The following THBS1 variants were observed in gnomAD, a reference collection of about 807,000 sequenced individuals.
THBS1 encodes the protein thrombospondin-1.
A neutral mutation model predicts 126.1 loss-of-function variants in THBS1; 29 were observed. The observed-to-expected ratio is 0.23, with a 90% CI of 0.17 to 0.31. THBS1 has a LOEUF of 0.31. Among genes scored for constraint, THBS1 ranks in the 10% least tolerant of loss-of-function variants. THBS1 has a pLI of 1.00. For synonymous variants in THBS1, 496 were observed against 577.8 expected (o/e 0.86, Z 2.03); for missense variants, 1,198 against 1,545.2 (o/e 0.78, Z 3.77).
rs377601803 is a variant in THBS1 at position 39,599,114 on chromosome 15, G to A, written c.*3745G>A. 3 of 152,100 alleles carry A rather than the reference G, an allele frequency of 2.0e-5. No individual in the cohort carries two copies. Among genetic ancestry groups the A allele is most frequent in the South Asian group, 2.1e-4 (1 of 4,814 alleles). The allele number at this position is 152,100 out of a possible 1,614,324, so 9.4% of individuals were successfully genotyped here. ...CTAATTCTGTATTTTTAGTAAAGAC[G>A]GGGTTTCACCTTGTTCCGGACAAAC... is the stretch of plus-strand genomic sequence containing the variant. On this transcript the variant is annotated 3_prime_UTR_variant, in exon 22 of 22. Transcript: ENST00000260356.
chr15:39,586,079 G>A (rs750974237), intron 7 of THBS1, among the ~76,000 whole-genome samples: 4 of 152,154 alleles, frequency 2.6e-5, no homozygotes, highest in Non-Finnish European at 5.9e-5. Context: ...TCCATGGCAC[G>A]TTATCCCTGG....
At position 39,595,350 on chromosome 15, in the gene THBS1, T is replaced by C. The variant is rs1210013514; in HGVS notation, c.3506-12T>C. 1.4e-5 allele frequency: 20 copies of C among 1,439,580 alleles called. No individual in the cohort carries two copies. The highest frequency in any genetic ancestry group is 1.8e-5 in the Non-Finnish European group (19 of 1,083,458). 89.2% of individuals were successfully genotyped at this position (1,439,580 alleles called of 1,614,324 possible). ...TCATTTGTATATTTATTTATATTTGTTTATTTAACAGATCCCTAATCATCA... is the reference window on the plus strand; with the variant it reads ...TCATTTGTATATTTATTTATATTTGCTTATTTAACAGATCCCTAATCATCA... On this transcript the variant is annotated splice_polypyrimidine_tract_variant and intron_variant, in intron 21 of 21. Coordinates refer to ENST00000260356, the MANE Select transcript of THBS1 (RefSeq NM_003246.4).
chr15:39,587,615 G>A, intron 8 of THBS1, 95 bp downstream of exon 8: 1 of 1,304,966 alleles, frequency 7.7e-7, no homozygotes, highest in Non-Finnish European at 1.0e-6. Context: ...AAGAACACGG[G>A]TTCTAGGATC....
Position 39,590,747 on chromosome 15 carries a change from A to G in THBS1, c.2253+124A>G, listed in dbSNP as rs1890311221. The G allele has an allele frequency of 4.0e-6, 3 of 742,754 alleles. No individual in the cohort carries two copies. The African/African-American group carries it at 5.4e-5, about 13-fold the overall frequency. 46.0% of individuals were successfully genotyped at this position (742,754 alleles called of 1,614,324 possible). ...TACCAAATCAATACACAGGATAATT[A>G]GAAATTATTCATTGTGTTCCAGTAG... On this transcript the variant is annotated intron_variant, in intron 14 of 21. Coordinates refer to ENST00000260356, the MANE Select transcript of THBS1 (RefSeq NM_003246.4).
Position 39,598,156 on chromosome 15 carries a change from C to T in THBS1, c.*2787C>T, listed in dbSNP as rs1440646978. ...GCTAATTATGAATGTGGAATACTGA[C>T]CAGTTAATTTCCAGTTTTAATGAAA... On this transcript the variant is annotated 3_prime_UTR_variant, in exon 22 of 22. Coordinates refer to ENST00000260356, the MANE Select transcript of THBS1 (RefSeq NM_003246.4). 5.9e-5 allele frequency: 9 copies of T among 152,202 alleles called. No individual in the cohort carries two copies. Among genetic ancestry groups the T allele is most frequent in the Non-Finnish European group, 1.2e-4 (8 of 68,020 alleles). The allele number at this position is 152,202 out of a possible 1,614,324, so 9.4% of individuals were successfully genotyped here.
At position 39,597,468 on chromosome 15, in the gene THBS1, C is replaced by T. The variant is rs572545509; in HGVS notation, c.*2099C>T. On this transcript the variant is annotated 3_prime_UTR_variant, in exon 22 of 22. Transcript: ENST00000260356. ...AATCATATGGAAATTTATATTTATA[C>T]TTACTGTATCCATGCTTATTTGTTC... The T allele has an allele frequency of 1.8e-4, 27 of 151,954 alleles. No homozygotes were observed. The highest frequency in any genetic ancestry group is 5.9e-4 in the Admixed American group (9 of 15,268). 9.4% of individuals were successfully genotyped at this position (151,954 alleles called of 1,614,324 possible).
At chr15:39,590,254 A>G (rs1037734909) in intron 13 of THBS1, among the ~76,000 whole-genome samples, 3 of 152,202 alleles carry the variant, frequency 2.0e-5, no homozygotes, top group Non-Finnish European at 4.4e-5. Context: ...TCTGTCCAAA[A>G]AAAAGTTCAG....
In THBS1 at chr15:39,589,420, C is replaced by G. The variant is rs182916283; in HGVS notation, c.1926+66C>G. On this transcript the variant is annotated intron_variant, in intron 12 of 21. Transcript: ENST00000260356. This position sits in a 1 kb window ranked among gnomAD's most constrained non-coding sequence, Gnocchi z 4.7. Reference sequence around the variant, plus strand: ...TGTCCTTGACCAAAATAACTGGGAGCGGGAGGAATGTAATTTCATACCCTT... The same window carrying G: ...TGTCCTTGACCAAAATAACTGGGAGGGGGAGGAATGTAATTTCATACCCTT... 3 of 1,570,640 alleles carry G rather than the reference C, an allele frequency of 1.9e-6. No individual in the cohort carries two copies. The highest frequency in any genetic ancestry group is 2.6e-6 in the Non-Finnish European group (3 of 1,155,952).
intron 13 of THBS1, 126 bp downstream of exon 13, chr15:39,590,149 AGGGGCAC>A: frequency 3.3e-6 from 3 of 921,734 alleles, no homozygotes; most frequent in Non-Finnish European, 4.7e-6. Flanking sequence ...CCAAAGGGAG[AGGGGCAC>A]TAATTCCTAT....
Position 39,592,562 on chromosome 15 carries a change from T to G in THBS1, c.2533-6T>G. On this transcript the variant is annotated splice_polypyrimidine_tract_variant and splice_region_variant and intron_variant, in intron 16 of 21. Transcript: ENST00000260356. This position sits in a 1 kb window ranked among gnomAD's most constrained non-coding sequence, Gnocchi z 4.3. ...AATTTACCCTCCATTTACATCTCTC[T>G]TTCAGCTGGACTCTGACTCAGACCG... 1 of 1,608,480 alleles carries G rather than the reference T, an allele frequency of 6.2e-7. No individual in the cohort carries two copies. Among genetic ancestry groups the G allele is most frequent in the Non-Finnish European group, 8.5e-7 (1 of 1,176,808 alleles).
At chr15:39,581,268 C>T (rs1890097116) in intron 1 of THBS1, 40 bp downstream of exon 1, 3 of 152,992 alleles carry the variant, frequency 2.0e-5, no homozygotes, top group South Asian at 3.9e-4. Context: ...CAAAGCTGCC[C>T]GGGACATCCA....
chr15:39,591,056 G>C (rs1324655865), intron 14 of THBS1, 135 bp from the exon 15 acceptor site: 1 of 979,210 alleles, frequency 1.0e-6, no homozygotes, highest in Non-Finnish European at 1.5e-6. Context: ...TTTACACTGA[G>C]TGATCAATTA....
At position 39,588,498 on chromosome 15, in the gene THBS1, T is replaced by C. The variant is rs373957167; in HGVS notation, c.1472-28T>C. 13 of 1,527,682 alleles carry C rather than the reference T, an allele frequency of 8.5e-6. No individual in the cohort carries two copies. The African/African-American group carries it at 1.7e-4, about 20-fold the overall frequency. 94.6% of individuals were successfully genotyped at this position (1,527,682 alleles called of 1,614,324 possible). Reference sequence around the variant, plus strand: ...GGAGGGATTTGAAAGTTGATCTTAATTGTTGCCTGTGGTTCATCTTCTTAC... The same window carrying C: ...GGAGGGATTTGAAAGTTGATCTTAACTGTTGCCTGTGGTTCATCTTCTTAC... On this transcript the variant is annotated intron_variant, in intron 9 of 21. Coordinates refer to ENST00000260356, the MANE Select transcript of THBS1 (RefSeq NM_003246.4).
Position 39,594,290 on chromosome 15 carries a change from T to C in THBS1, c.3366-11T>C. The C allele has an allele frequency of 6.2e-7, 1 of 1,613,984 alleles. No individual in the cohort carries two copies. The highest frequency in any genetic ancestry group is 1.7e-5 in the Admixed American group (1 of 59,966). On this transcript the variant is annotated splice_polypyrimidine_tract_variant and intron_variant, in intron 20 of 21. Transcript: ENST00000260356. This position sits in a 1 kb window ranked among gnomAD's most constrained non-coding sequence, Gnocchi z 4.4. ...AGCATTGTCACTAAACAAGATTTTT[T>C]TTCCCTGCAGAGTGGTGATGTATGA...
Position 39,591,527 on chromosome 15 carries a change from C to T in THBS1, c.2436C>T (p.Asn812=). ...CAGGTATCCTCAATGAACGGGACAACTGCCAGTACGTCTACAATGTGGACC... is the reference window on the plus strand; with the variant it reads ...CAGGTATCCTCAATGAACGGGACAATTGCCAGTACGTCTACAATGTGGACC... The part of the protein sequence containing the change: ...DGDGILNERD[N]CQYVYNVDQR... Residue 812 remains asparagine (N), a synonymous_variant, in exon 16 of 22, where the codon AAC becomes AAT. Transcript: ENST00000260356. The T allele has an allele frequency of 6.2e-7, 1 of 1,614,228 alleles. No homozygotes were observed. The highest frequency in any genetic ancestry group is 8.5e-7 in the Non-Finnish European group (1 of 1,180,042).
rs151314812 is a variant in THBS1, at chr15:39,585,433, C to T, written c.1027-37C>T. On this transcript the variant is annotated intron_variant, in intron 6 of 21. Coordinates refer to ENST00000260356, the MANE Select transcript of THBS1 (RefSeq NM_003246.4). Reference sequence around the variant, plus strand: ...TGTAGACTTCTGTATGCAACATGCTCAGCAGCCTGTTCCCCTCTCACTCTC... The same window carrying T: ...TGTAGACTTCTGTATGCAACATGCTTAGCAGCCTGTTCCCCTCTCACTCTC... The T allele has an allele frequency of 2.9e-5, 45 of 1,575,562 alleles. No homozygotes were observed. In the Admixed American group the frequency reaches 4.7e-4, roughly 16 times the overall value.
Position 39,588,055 on chromosome 15 carries a change from T to C in THBS1, c.1308T>C (p.Gly436=). 1 of 1,614,112 alleles carries C rather than the reference T, an allele frequency of 6.2e-7. No homozygotes were observed. Among genetic ancestry groups the C allele is most frequent in the African/African-American group, 1.3e-5 (1 of 75,060 alleles). ...TCTGTACTTTAGTTAAACAGGATGG[T>C]GGCTGGAGCCACTGGTCCCCGTGGT... ...QECDKRFKQD[G]GWSHWSPWSS... is the part of the protein sequence containing the mutation. Residue 436 remains glycine (G), a synonymous_variant, in exon 9 of 22, where the codon GGT becomes GGC. Transcript: ENST00000260356.
chr15:39,587,118 A>G (rs1890221973), intron 7 of THBS1: 1 of 366,770 alleles, frequency 2.7e-6, no homozygotes. Context: ...GATGATGGAG[A>G]TGTGTTAATT....
rs1423943474 is a variant in THBS1 at position 39,597,336 on chromosome 15, C to G, written c.*1967C>G. Reference sequence around the variant, plus strand: ...CTCCCATTTTTACTATTTGCCAATACCTTTTTCTAGGAATGTGCTTTTTTT... The same window carrying G: ...CTCCCATTTTTACTATTTGCCAATAGCTTTTTCTAGGAATGTGCTTTTTTT... On this transcript the variant is annotated 3_prime_UTR_variant, in exon 22 of 22. Coordinates refer to ENST00000260356, the MANE Select transcript of THBS1 (RefSeq NM_003246.4). The G allele has an allele frequency of 1.3e-4, 13 of 103,446 alleles. No individual in the cohort carries two copies. The highest frequency in any genetic ancestry group is 4.5e-4 in the African/African-American group (12 of 26,516). 6.4% of individuals were successfully genotyped at this position (103,446 alleles called of 1,614,324 possible). A position where few individuals can be genotyped will look rare whatever the true frequency, so the allele number is the denominator to read the frequency against.
Sources: gnomAD v4.1 joint callset for allele counts (sites outside exome capture counted in the v4.1 genomes callset) on GRCh38, gnomAD v4.1.1 for gene constraint, Gnocchi (gnomAD v3.1) non-coding constraint, MANE v1.5 for transcripts, NCBI Gene and HGNC (gene_info 2026-07-23, HGNC 2026-07-21) for gene names.